The following SCN8A variants were observed in gnomAD, a reference collection of about 807,000 sequenced individuals.
SCN8A encodes sodium channel protein type 8 subunit alpha.
A neutral mutation model predicts 184.1 loss-of-function variants in SCN8A; 30 were observed. The ratio of observed to expected loss-of-function variants is 0.16; its 90% CI spans 0.12 to 0.22. SCN8A has a LOEUF of 0.22. Ranked by LOEUF, SCN8A falls within the 10% of genes least tolerant of loss-of-function variation. SCN8A has a pLI of 1.00. For missense variants in SCN8A, 1,057 were observed against 2,498.9 expected (o/e 0.42, Z 12.30); for synonymous variants, 852 against 907.0 (o/e 0.94, Z 1.09).
chr12:51,660,715 C>T (rs1037234067), intron 1 of SCN8A, among the ~76,000 whole-genome samples: 7 of 152,154 alleles, frequency 4.6e-5, no homozygotes, highest in African/African-American at 1.7e-4. Context: ...TAATATCTGC[C>T]TCATATGCTG....
At chr12:51,799,427 C>T (rs987221897) in intron 26 of SCN8A, among the ~76,000 whole-genome samples, 2 of 152,168 alleles carry the variant, frequency 1.3e-5, no homozygotes, top group Non-Finnish European at 2.9e-5. Flanking sequence ...CACCAAAGCC[C>T]AGTAACAGGC....
chr12:51,757,181 C>T (rs1942688959), intron 14 of SCN8A, among the ~76,000 whole-genome samples: 1 of 152,202 alleles, frequency 6.6e-6, no homozygotes, highest in Non-Finnish European at 1.5e-5. Context: ...TCCTTGTCAA[C>T]AGGTACGAGT....
intron 2 of SCN8A, among the ~76,000 whole-genome samples, chr12:51,674,985 TAAGA>T (rs1390853970): frequency 6.6e-6 from 1 of 152,164 alleles, no homozygotes; most frequent in Non-Finnish European, 1.5e-5. Flanking sequence ...TGCTGCTTTC[TAAGA>T]GAGAGGAGAG....
At chr12:51,690,270 G>A (rs1199682389) in intron 6 of SCN8A, among the ~76,000 whole-genome samples, 1 of 152,222 alleles carries the variant, frequency 6.6e-6, no homozygotes, top group Non-Finnish European at 1.5e-5. Flanking sequence ...GGAATGTGGA[G>A]AAAGAACAGA....
At chr12:51,621,276 C>G (rs760817349) in intron 1 of SCN8A, among the ~76,000 whole-genome samples, 8 of 152,174 alleles carry the variant, frequency 5.3e-5, no homozygotes, top group Non-Finnish European at 1.0e-4. Context: ...CTCTTGCCAA[C>G]TATAAACTTA....
In SCN8A at chr12:51,638,818, TGAG is replaced by T. The variant is rs367558142; in HGVS notation, c.-54-23942_-54-23940del. ...TTATTCTAACCCTCATGAATGACTT[TGAG>T]GAGTTCAGGATGTTCATGGGGGAGG... is the stretch of plus-strand genomic sequence containing the variant. On this transcript the variant is annotated intron_variant, in intron 1 of 26. Coordinates refer to ENST00000627620, the MANE Select transcript of SCN8A (RefSeq NM_001330260.2). 3.6e-4 allele frequency among the ~76,000 whole-genome samples: 54 copies of T among 151,904 alleles called. No homozygotes were observed. The East Asian group carries it at 9.7e-3, about 27-fold the overall frequency.
chr12:51,713,460 A>T (rs1394860718), intron 11 of SCN8A: 1 of 774,424 alleles, frequency 1.3e-6, no homozygotes, highest in African/African-American at 1.7e-5. Flanking sequence ...CTCTTAAACT[A>T]TCATCTGTAG....
chr12:51,705,892 C>T (rs976985373), intron 10 of SCN8A, among the ~76,000 whole-genome samples: 8 of 152,150 alleles, frequency 5.3e-5, no homozygotes, highest in African/African-American at 1.9e-4. Flanking sequence ...AAAAAAGTGA[C>T]CAGGGCAGTT....
chr12:51,613,782 T>C (rs1401951074), intron 1 of SCN8A, among the ~76,000 whole-genome samples: 1 of 152,136 alleles, frequency 6.6e-6, no homozygotes, highest in Non-Finnish European at 1.5e-5. Flanking sequence ...GATATGTTGA[T>C]TTTTGTTTCC....
chr12:51,686,601 T>C, intron 4 of SCN8A, 144 bp downstream of exon 4: 1 of 636,384 alleles, frequency 1.6e-6, no homozygotes, highest in East Asian at 2.8e-5. Context: ...AAAGTACATG[T>C]GGAATTTAGG....
At chr12:51,625,346 TG>T (rs1463467603) in intron 1 of SCN8A, among the ~76,000 whole-genome samples, 21 of 152,248 alleles carry the variant, frequency 1.4e-4, no homozygotes, top group Admixed American at 1.4e-3. Flanking sequence ...CAAGAATCAA[TG>T]GCTTGTTGCT....
intron 1 of SCN8A, among the ~76,000 whole-genome samples, chr12:51,592,335 A>T (rs978728164): frequency 6.6e-6 from 1 of 151,848 alleles, no homozygotes; most frequent in Non-Finnish European, 1.5e-5. Context: ...GGGGTTAGCC[A>T]GGACTGTCAG....
intron 13 of SCN8A, among the ~76,000 whole-genome samples, chr12:51,747,132 T>TGTGTGTGTGTGTG (rs59759909): frequency 5.7e-5 from 8 of 139,512 alleles, no homozygotes; most frequent in African/African-American, 1.9e-4. Flanking sequence ...TGTGTGTGTG[T>TGTGTGTGTGTGTG]TGGGGAGGGG....
At chr12:51,764,674 C>CT (rs1223760888) in intron 15 of SCN8A, among the ~76,000 whole-genome samples, 1 of 151,678 alleles carries the variant, frequency 6.6e-6, no homozygotes, top group Non-Finnish European at 1.5e-5. Context: ...AATTAACACT[C>CT]TGTTAGCCAA....
chr12:51,753,068 T>TC (rs1419166042), intron 14 of SCN8A, among the ~76,000 whole-genome samples: 1 of 152,134 alleles, frequency 6.6e-6, no homozygotes, highest in East Asian at 1.9e-4. Context: ...TTTCCTTTCA[T>TC]GAAAATTTAG....
intron 1 of SCN8A, among the ~76,000 whole-genome samples, chr12:51,654,131 TTC>T (rs1940774730): frequency 1.3e-5 from 2 of 152,322 alleles, no homozygotes; most frequent in South Asian, 4.1e-4. Flanking sequence ...TTTTCTCTCA[TTC>T]TCTGAGTTGC....
chr12:51,764,410 G>T (rs1037079027), intron 15 of SCN8A, among the ~76,000 whole-genome samples: 3 of 152,114 alleles, frequency 2.0e-5, no homozygotes, highest in Admixed American at 2.0e-4. Context: ...CAAGGCGGGC[G>T]CATCACTTGA....
intron 1 of SCN8A, among the ~76,000 whole-genome samples, chr12:51,648,136 G>T (rs765401843): frequency 9.9e-5 from 15 of 152,140 alleles, no homozygotes; most frequent in Admixed American, 2.0e-4. Flanking sequence ...ATCACAGGAA[G>T]AATTTTTTTC....
At chr12:51,611,548 A>G (rs1461280364) in intron 1 of SCN8A, among the ~76,000 whole-genome samples, 1 of 151,942 alleles carries the variant, frequency 6.6e-6, no homozygotes, top group African/African-American at 2.4e-5. Flanking sequence ...CCCAGTCTGG[A>G]GTGCAGTGGT....
Sources: gnomAD v4.1 joint callset for allele counts (sites outside exome capture counted in the v4.1 genomes callset) on GRCh38, gnomAD v4.1.1 for gene constraint, MANE v1.5 for transcripts, NCBI Gene and HGNC (gene_info 2026-07-23, HGNC 2026-07-21) for gene names.